The following ATRNL1 variants were observed in gnomAD, a reference collection of about 807,000 sequenced individuals.
ATRNL1 encodes the protein attractin like 1, also known as attractin-like protein 1.
In ATRNL1, 95 loss-of-function variants were observed where a neutral mutation model predicts 182.7. The ratio of observed to expected loss-of-function variants is 0.52; its 90% confidence interval spans 0.44 to 0.62. The LOEUF is 0.62. Ranked by LOEUF, ATRNL1 falls within the 20% of genes least tolerant of loss-of-function variation. The pLI, the probability that ATRNL1 is intolerant of heterozygous loss-of-function variation, is 0.00. For missense variants in ATRNL1, 1,471 were observed against 1,679.5 expected (o/e 0.88, Z 2.17); for synonymous variants, 576 against 568.3 (o/e 1.01, Z -0.19).
intron 20 of ATRNL1, among the ~76,000 whole-genome samples, chr10:115,406,226 T>C (rs2134320482): frequency 6.6e-6 from 1 of 152,300 alleles, no homozygotes; most frequent in Admixed American, 6.5e-5. Context: ...GATGGCTGGG[T>C]CAAATGGTAT....
At chr10:115,328,518 A>G (rs902834502) in intron 18 of ATRNL1, among the ~76,000 whole-genome samples, 6 of 152,110 alleles carry the variant, frequency 3.9e-5, no homozygotes, top group African/African-American at 1.4e-4. Context: ...ACTCTATTGC[A>G]TCATAGGTAT....
At chr10:115,906,484 C>T (rs1952506579) in intron 28 of ATRNL1, among the ~76,000 whole-genome samples, 1 of 152,046 alleles carries the variant, frequency 6.6e-6, no homozygotes, top group Non-Finnish European at 1.5e-5. Context: ...GTCTTGTTTT[C>T]CTCCTCTCTT....
rs1005115414 is a variant in ATRNL1, at chr10:115,944,684, G to C, written c.4045G>C (p.Asp1349His). ...SGLAIASALI[D>H]ISQQKASDSK... ...CCTTGCAATTGCCAGTGCCCTAATA[G>C]ATATTTCACAACAGAAAGCTTCAGA... Residue 1349 changes from aspartate to histidine, a missense_variant, in exon 29 of 29, where the codon GAT (aspartate) becomes CAT (histidine). Transcript: ENST00000355044. 6 of 1,612,790 alleles carry C rather than the reference G, an allele frequency of 3.7e-6. No individual in the cohort carries two copies. The highest frequency in any genetic ancestry group is 1.1e-5 in the South Asian group (1 of 90,866).
At chr10:115,366,624 T>C (rs1857057815) in intron 19 of ATRNL1, among the ~76,000 whole-genome samples, 1 of 150,160 alleles carries the variant, frequency 6.7e-6, no homozygotes, top group East Asian at 2.0e-4. Flanking sequence ...CGATGGTCTT[T>C]ACATTTTGGC....
chr10:115,290,195 G>A (rs894626555), intron 15 of ATRNL1, among the ~76,000 whole-genome samples: 4 of 151,836 alleles, frequency 2.6e-5, no homozygotes, highest in African/African-American at 2.4e-5. Context: ...AAGTGCTACC[G>A]ACTTTTGTGT....
intron 26 of ATRNL1, among the ~76,000 whole-genome samples, chr10:115,564,847 A>G (rs542404938): frequency 5.3e-5 from 8 of 152,062 alleles, no homozygotes; most frequent in African/African-American, 1.7e-4. Flanking sequence ...CATATTCTTT[A>G]TAACCTGTTT....
intron 28 of ATRNL1, among the ~76,000 whole-genome samples, chr10:115,933,781 T>C (rs1396183747): frequency 6.6e-6 from 1 of 152,204 alleles, no homozygotes; most frequent in Non-Finnish European, 1.5e-5. Context: ...TGACCAGTGT[T>C]ACAGAGCCTG....
At chr10:115,715,529 A>G (rs200238129) in intron 26 of ATRNL1, among the ~76,000 whole-genome samples, 3 of 152,192 alleles carry the variant, frequency 2.0e-5, no homozygotes, top group Admixed American at 6.5e-5. Context: ...GCAACTCACT[A>G]TCTTGATTCT....
chr10:115,816,084 G>A (rs1950157948), intron 27 of ATRNL1, among the ~76,000 whole-genome samples: 1 of 152,074 alleles, frequency 6.6e-6, no homozygotes, highest in Non-Finnish European at 1.5e-5. Context: ...TCTCTAATGT[G>A]ACAGTAGAAC....
intron 7 of ATRNL1, among the ~76,000 whole-genome samples, chr10:115,166,042 A>C (rs138946495): frequency 1.7e-4 from 26 of 152,118 alleles, no homozygotes; most frequent in Non-Finnish European, 3.1e-4. Flanking sequence ...GGCAAAACTG[A>C]AGCAATAACT....
intron 27 of ATRNL1, among the ~76,000 whole-genome samples, chr10:115,799,101 AGGC>A (rs1949730073): frequency 6.6e-6 from 1 of 152,092 alleles, no homozygotes; most frequent in Non-Finnish European, 1.5e-5. Flanking sequence ...CTGGGATTAC[AGGC>A]GTGAGACACC....
chr10:115,303,426 T>C (rs766810334), intron 17 of ATRNL1, among the ~76,000 whole-genome samples: 60 of 152,022 alleles, frequency 3.9e-4, no homozygotes, highest in Non-Finnish European at 8.2e-4. Context: ...GGTTTCACTG[T>C]TGGCCAGGCT....
chr10:115,762,965 T>C (rs1189000892), intron 27 of ATRNL1, among the ~76,000 whole-genome samples: 21 of 152,182 alleles, frequency 1.4e-4, no homozygotes, highest in African/African-American at 5.1e-4. Flanking sequence ...TAAAGGTATA[T>C]TAAAATGTGA....
At chr10:115,258,454 C>T (rs554679437) in intron 10 of ATRNL1, among the ~76,000 whole-genome samples, 55 of 152,176 alleles carry the variant, frequency 3.6e-4, no homozygotes, top group African/African-American at 1.2e-3. Context: ...TCATGGTTTT[C>T]AGCTCCATCA....
At chr10:115,338,437 G>A (rs1855594678) in intron 19 of ATRNL1, among the ~76,000 whole-genome samples, 2 of 151,918 alleles carry the variant, frequency 1.3e-5, no homozygotes, top group South Asian at 4.2e-4. Context: ...TTTTAACTGG[G>A]GTGATATTAC....
At chr10:115,181,778 G>T (rs1249950582) in intron 8 of ATRNL1, among the ~76,000 whole-genome samples, 1 of 151,654 alleles carries the variant, frequency 6.6e-6, no homozygotes, top group Admixed American at 6.6e-5. Flanking sequence ...TACCTTTAAA[G>T]AAGGCATACA....
intron 26 of ATRNL1, among the ~76,000 whole-genome samples, chr10:115,593,046 C>T (rs1299569320): frequency 6.6e-6 from 1 of 152,106 alleles, no homozygotes; most frequent in Admixed American, 6.5e-5. Context: ...AGTTCTGGAG[C>T]CTGAAAAGTT....
At chr10:115,345,815 A>G (rs1020833295) in intron 19 of ATRNL1, among the ~76,000 whole-genome samples, 5 of 152,308 alleles carry the variant, frequency 3.3e-5, no homozygotes, top group Admixed American at 2.6e-4. Flanking sequence ...ATTTACTTAT[A>G]TTCTAGATAT....
intron 27 of ATRNL1, chr10:115,820,046 A>G (rs1346087131): frequency 6.6e-6 from 1 of 152,108 alleles, no homozygotes; most frequent in Non-Finnish European, 1.5e-5. Flanking sequence ...ACATGTGAAA[A>G]TGGCCTCCAA....
Sources: allele counts gnomAD v4.1 joint callset (sites outside exome capture counted in the v4.1 genomes callset), GRCh38; gene constraint gnomAD v4.1.1; transcripts MANE v1.5; gene names NCBI Gene and HGNC (gene_info 2026-07-23, HGNC 2026-07-21).